Variants in SCAPER observed in about 807,000 individuals in gnomAD.
The protein encoded by SCAPER is S-phase cyclin A associated protein in the ER.
SCAPER carries 98 observed loss-of-function variants against 182.2 expected under a neutral mutation model. That is an observed-to-expected ratio of 0.54 (90% CI 0.46 to 0.64). SCAPER has a LOEUF of 0.64. Among genes scored for constraint, SCAPER ranks in the 30% least tolerant of loss-of-function variants. SCAPER has a pLI of 0.00. For synonymous variants in SCAPER, 605 were observed against 564.6 expected (o/e 1.07, Z -1.01); for missense variants, 1,432 against 1,690.0 (o/e 0.85, Z 2.68).
At chr15:76,861,050 A>G (rs1481148213) in intron 3 of SCAPER, among the ~76,000 whole-genome samples, 1 of 152,198 alleles carries the variant, frequency 6.6e-6, no homozygotes, top group Non-Finnish European at 1.5e-5. Context: ...ACATACATAC[A>G]TAAAAATAAA....
intron 2 of SCAPER, among the ~76,000 whole-genome samples, chr15:76,876,305 T>C (rs1813479): frequency 0.84 from 128,158 of 151,980 alleles, 54,305 homozygotes; most frequent in Middle Eastern, 0.91. Context: ...ATGGCCAGAG[T>C]GGACGTCGAG....
At position 76,857,735 on chromosome 15, in the gene SCAPER, G is replaced by T. The variant is rs2071524831; in HGVS notation, c.195+74C>A. The T allele has an allele frequency of 6.1e-6, 6 of 982,956 alleles. No individual in the cohort carries two copies. The Admixed American group carries it at 1.8e-4, about 30-fold the overall frequency. The allele number at this position is 982,956 out of a possible 1,614,324, so 60.9% of individuals were successfully genotyped here. A position where few individuals can be genotyped will look rare whatever the true frequency, so the allele number is the denominator to read the frequency against. ...ATAATATTCAAATCCTGCAAAATAA[G>T]ATTTTCATAATTTATAATACATTCA... On this transcript the variant is annotated intron_variant, in intron 4 of 31. Coordinates refer to ENST00000563290, the MANE Select transcript of SCAPER (RefSeq NM_020843.4).
intron 21 of SCAPER, among the ~76,000 whole-genome samples, chr15:76,630,562 G>C (rs900930361): frequency 5.9e-5 from 9 of 152,082 alleles, no homozygotes; most frequent in Middle Eastern, 3.2e-3. Context: ...ATTTACCCAA[G>C]AGTCATTCAG....
At chr15:76,550,586 G>C (rs1008755474) in intron 23 of SCAPER, among the ~76,000 whole-genome samples, 1 of 152,094 alleles carries the variant, frequency 6.6e-6, no homozygotes, top group Non-Finnish European at 1.5e-5. Context: ...TCTTTATCCA[G>C]TCTATCATTG....
chr15:76,863,949 A>G (rs2072071931), intron 2 of SCAPER, among the ~76,000 whole-genome samples: 1 of 152,124 alleles, frequency 6.6e-6, no homozygotes, highest in Non-Finnish European at 1.5e-5. Flanking sequence ...GACAGGCCCT[A>G]GCTGAATTCC....
At chr15:76,433,726 T>C (rs1262895966) in intron 26 of SCAPER, among the ~76,000 whole-genome samples, 1 of 152,218 alleles carries the variant, frequency 6.6e-6, no homozygotes, top group African/African-American at 2.4e-5. Flanking sequence ...AAAACTGTTT[T>C]AAAAAATCCA....
intron 21 of SCAPER, among the ~76,000 whole-genome samples, chr15:76,631,361 C>A (rs1264257530): frequency 6.6e-6 from 1 of 152,062 alleles, no homozygotes; most frequent in African/African-American, 2.4e-5. Flanking sequence ...TTGCAGACTT[C>A]TTTATGTAGT....
intron 15 of SCAPER, among the ~76,000 whole-genome samples, chr15:76,751,969 C>T (rs1166043715): frequency 2.0e-5 from 3 of 150,922 alleles, no homozygotes; most frequent in Non-Finnish European, 4.4e-5. Flanking sequence ...AAAACGTTTG[C>T]AAATCATATC....
intron 4 of SCAPER, among the ~76,000 whole-genome samples, chr15:76,852,086 G>C (rs1194767814): frequency 1.3e-5 from 2 of 151,222 alleles, no homozygotes; most frequent in East Asian, 3.9e-4. Context: ...ATCAAAAAAA[G>C]ACAAAAAAAA....
chr15:76,403,377 G>C (rs1270936759), intron 27 of SCAPER, among the ~76,000 whole-genome samples: 1 of 152,190 alleles, frequency 6.6e-6, no homozygotes, highest in African/African-American at 2.4e-5. Flanking sequence ...TTGAAACACT[G>C]AACACAGGCA....
chr15:76,846,968 A>T (rs1185330520), intron 4 of SCAPER, among the ~76,000 whole-genome samples: 1 of 152,148 alleles, frequency 6.6e-6, no homozygotes, highest in African/African-American at 2.4e-5. Context: ...CATCAGATGA[A>T]TAAATAATGT....
intron 3 of SCAPER, 85 bp downstream of exon 3, chr15:76,862,331 C>G (rs2071943845): frequency 5.0e-6 from 4 of 792,772 alleles, no homozygotes; most frequent in Non-Finnish European, 8.0e-6. Flanking sequence ...AGTCTAATTG[C>G]AAACAGTTTT....
chr15:76,665,857 A>G (rs1598027436), intron 20 of SCAPER, 68 bp from the exon 21 acceptor site: 4 of 1,297,640 alleles, frequency 3.1e-6, no homozygotes, highest in Middle Eastern at 2.7e-4. Flanking sequence ...GGATTGCTAT[A>G]GACTACAGTG....
At chr15:76,464,920 C>T (rs953285872) in intron 25 of SCAPER, among the ~76,000 whole-genome samples, 1 of 152,086 alleles carries the variant, frequency 6.6e-6, no homozygotes, top group Non-Finnish European at 1.5e-5. Flanking sequence ...TTTATAACAG[C>T]CATCCTAACA....
intron 23 of SCAPER, among the ~76,000 whole-genome samples, chr15:76,543,197 A>G (rs1366732241): frequency 6.6e-6 from 1 of 152,202 alleles, no homozygotes; most frequent in African/African-American, 2.4e-5. Context: ...CTGCATGCAA[A>G]GGAAACCATT....
intron 29 of SCAPER, among the ~76,000 whole-genome samples, chr15:76,365,242 C>G (rs2041727610): frequency 6.6e-6 from 1 of 152,156 alleles, no homozygotes; most frequent in South Asian, 2.1e-4. Context: ...TGGTTTGACA[C>G]AGTGTGGGCA....
chr15:76,772,001 C>T (rs776657650), intron 9 of SCAPER, 47 bp from the exon 10 acceptor site: 2 of 1,392,726 alleles, frequency 1.4e-6, no homozygotes. Context: ...AAAATACCAA[C>T]TATTCCACTT....
At chr15:76,371,434 C>T (rs1469478141) in intron 29 of SCAPER, among the ~76,000 whole-genome samples, 2 of 151,826 alleles carry the variant, frequency 1.3e-5, no homozygotes, top group Non-Finnish European at 2.9e-5. Flanking sequence ...GTCCTCCTGC[C>T]TCAGCCTTCC....
intron 5 of SCAPER, among the ~76,000 whole-genome samples, chr15:76,824,821 A>T (rs1174010252): frequency 6.6e-6 from 1 of 152,220 alleles, no homozygotes; most frequent in Non-Finnish European, 1.5e-5. Context: ...AAAATCTGCT[A>T]ATGGAAGCCA....
Sources: gnomAD v4.1 joint callset for allele counts (sites outside exome capture counted in the v4.1 genomes callset) on GRCh38, gnomAD v4.1.1 for gene constraint, MANE v1.5 for transcripts, NCBI Gene and HGNC (gene_info 2026-07-23, HGNC 2026-07-21) for gene names.